ABL1: variants seen among roughly 807,000 people sequenced by gnomAD.
ABL1 encodes the protein ABL proto-oncogene 1, non-receptor tyrosine kinase.
A neutral mutation model predicts 94.7 loss-of-function variants in ABL1; 11 were observed. The observed-to-expected ratio is 0.12, with a 90% CI of 0.07 to 0.19. The LOEUF is 0.19. Among genes scored for constraint, ABL1 ranks in the 10% least tolerant of loss-of-function variants. ABL1 has a pLI of 1.00. For synonymous variants in ABL1, 656 were observed against 622.4 expected, an observed-to-expected ratio of 1.05 and a Z score of -0.80; for missense variants, 1,082 against 1,489.4, an observed-to-expected ratio of 0.73 and a Z score of 4.50.
intron 3 of ABL1, among the ~76,000 whole-genome samples, chr9:130,860,990 G>A (rs958485208): frequency 3.9e-5 from 6 of 152,300 alleles, no homozygotes; most frequent in East Asian, 1.9e-4. Flanking sequence ...GCCGACTTCC[G>A]CTCCCCGACA....
At chr9:130,818,789 T>C (rs1384967070) in intron 1 of ABL1, among the ~76,000 whole-genome samples, 1 of 152,230 alleles carries the variant, frequency 6.6e-6, no homozygotes, top group East Asian at 1.9e-4. Context: ...TCAGCATGCA[T>C]GTATGGGTCA....
chr9:130,747,240 T>G (rs1831899280), intron 1 of ABL1, among the ~76,000 whole-genome samples: 1 of 152,102 alleles, frequency 6.6e-6, no homozygotes. Context: ...TAGTTGGGCA[T>G]GGTGGCATGC....
upstream of ABL1, among the ~76,000 whole-genome samples, chr9:130,830,844 T>G (rs993236919): frequency 1.3e-5 from 2 of 152,208 alleles, no homozygotes; most frequent in Non-Finnish European, 2.9e-5. Flanking sequence ...GTGAAGTCGT[T>G]GCCCATGGCC....
chr9:130,842,499 C>T (rs988909821), intron 1 of ABL1, among the ~76,000 whole-genome samples: 2 of 152,074 alleles, frequency 1.3e-5, no homozygotes, highest in African/African-American at 4.8e-5. Context: ...AAAGACAGGC[C>T]GTGAATACAA....
chr9:130,782,986 T>C (rs1354034449), intron 1 of ABL1, among the ~76,000 whole-genome samples: 2 of 152,218 alleles, frequency 1.3e-5, no homozygotes, highest in African/African-American at 2.4e-5. Context: ...CACTTGGAAA[T>C]TGGCTATATA....
chr9:130,792,491 G>C (rs908003386), intron 1 of ABL1, among the ~76,000 whole-genome samples: 12 of 151,790 alleles, frequency 7.9e-5, no homozygotes, highest in African/African-American at 2.7e-4. Context: ...GAGTCCTTCA[G>C]TTCTCCCCCT....
At chr9:130,829,613 T>C (rs933612157) in intron 1 of ABL1, among the ~76,000 whole-genome samples, 16 of 151,842 alleles carry the variant, frequency 1.1e-4, no homozygotes, top group African/African-American at 3.6e-4. Context: ...TGAAATGTTT[T>C]AGTGATTGGA....
intron 4 of ABL1, among the ~76,000 whole-genome samples, chr9:130,871,538 TGACA>T (rs1488208464): frequency 1.3e-5 from 2 of 152,342 alleles, no homozygotes; most frequent in African/African-American, 4.8e-5. Flanking sequence ...GTAATTGACC[TGACA>T]GACAGTGATG....
chr9:130,884,120 A>G lies in ABL1; in HGVS notation c.1830A>G (p.Thr610=), dbSNP rs778558960. ...FSALIKKKKK[T]APTPPKRSSS... is the part of the protein sequence containing the mutation. ...CCTTGATCAAGAAGAAGAAGAAGAC[A>G]GCCCCAACCCCTCCCAAACGCAGCA... The change falls in exon 11 of 11, where the codon ACA becomes ACG. Residue 610 remains threonine, a synonymous_variant. Coordinates refer to ENST00000318560, the MANE Select transcript of ABL1 (RefSeq NM_005157.6). This position sits in a 1 kb window ranked among gnomAD's most constrained non-coding sequence, Gnocchi z 5.6. The G allele has an allele frequency of 2.5e-6, 4 of 1,613,788 alleles. No homozygotes were observed. The Admixed American group carries it at 6.7e-5, about 27-fold the overall frequency.
At chr9:130,856,368 G>A (rs1249255077) in intron 3 of ABL1, among the ~76,000 whole-genome samples, 2 of 152,018 alleles carry the variant, frequency 1.3e-5, no homozygotes, top group East Asian at 1.9e-4. Context: ...GATTACAGGC[G>A]TGAGCCACCA....
intron 1 of ABL1, among the ~76,000 whole-genome samples, chr9:130,755,515 GC>G (rs990909907): frequency 2.0e-5 from 3 of 152,222 alleles, no homozygotes. Flanking sequence ...ATCACTATCT[GC>G]ATGTTCGTGG....
intron 1 of ABL1, among the ~76,000 whole-genome samples, chr9:130,747,521 C>G (rs1458336018): frequency 1.3e-5 from 2 of 152,152 alleles, no homozygotes; most frequent in South Asian, 2.1e-4. Context: ...TCAAGTGATT[C>G]TCCTGCCTCA....
exon 1 of ABL1, chr9:130,714,104 C>T (rs189920541): frequency 4.8e-6 from 2 of 417,266 alleles, no homozygotes; most frequent in Non-Finnish European, 8.4e-6. Context: ...AATTGATAAC[C>T]GCGAAAATAA....
intron 1 of ABL1, among the ~76,000 whole-genome samples, chr9:130,847,371 A>G (rs1038216239): frequency 2.0e-5 from 3 of 152,032 alleles, no homozygotes; most frequent in African/African-American, 7.2e-5. Flanking sequence ...TAGTTGGGGC[A>G]TCTTTTTTTT....
chr9:130,714,418 G>A (rs373666235), exon 1 of ABL1: 1 of 1,614,132 alleles, frequency 6.2e-7, no homozygotes, highest in Non-Finnish European at 8.5e-7. Context: ...AATCATCGAG[G>A]CATGGGGGTC....
At position 130,863,115 on chromosome 9, in the gene ABL1, G is replaced by T. The variant is rs1831102567; in HGVS notation, c.822+80G>T. The T allele has an allele frequency of 1.4e-6, 2 of 1,450,486 alleles. No homozygotes were observed. Among genetic ancestry groups the T allele is most frequent in the Middle Eastern group, 2.5e-4 (1 of 3,974 alleles). 89.9% of individuals were successfully genotyped at this position (1,450,486 alleles called of 1,614,324 possible). A position where few individuals can be genotyped will look rare whatever the true frequency, so the allele number is the denominator to read the frequency against. ...CATTAGGCGATGCATCTGCCTGGAA[G>T]TCTACCTCCTGCCTGCTGTCCGAGG... On this transcript the variant is annotated intron_variant, in intron 4 of 10. Transcript: ENST00000318560. This position sits in a 1 kb window ranked among gnomAD's most constrained non-coding sequence, Gnocchi z 4.3.
intron 1 of ABL1, among the ~76,000 whole-genome samples, chr9:130,764,228 C>T (rs1226257954): frequency 6.6e-6 from 1 of 152,200 alleles, no homozygotes; most frequent in Admixed American, 6.5e-5. Flanking sequence ...AGGAATATAG[C>T]TGAGCTTACC....
intron 1 of ABL1, among the ~76,000 whole-genome samples, chr9:130,811,765 C>T (rs1431682923): frequency 4.6e-5 from 7 of 151,336 alleles, no homozygotes; most frequent in South Asian, 2.1e-4. Context: ...AAAAATTAGC[C>T]GGGCATGGTG....
At chr9:130,742,447 A>G (rs1831831922) in intron 1 of ABL1, among the ~76,000 whole-genome samples, 2 of 152,178 alleles carry the variant, frequency 1.3e-5, no homozygotes, top group South Asian at 2.1e-4. Context: ...TACTAGATTT[A>G]CAGATGATGG....
Sources: gnomAD v4.1 joint callset for allele counts (sites outside exome capture counted in the v4.1 genomes callset) on GRCh38, gnomAD v4.1.1 for gene constraint, Gnocchi (gnomAD v3.1) non-coding constraint, MANE v1.5 for transcripts, NCBI Gene and HGNC (gene_info 2026-07-23, HGNC 2026-07-21) for gene names.